SNX24: variants seen among roughly 807,000 people sequenced by gnomAD.
SNX24 encodes the protein sorting nexin 24, also known as sorting nexin-24.
SNX24 carries 22 observed loss-of-function variants against 28.7 expected under a neutral mutation model. That is an observed-to-expected ratio of 0.77 (90% CI 0.55 to 1.10). The LOEUF is 1.10. SNX24 is among the 50% of genes least tolerant of loss of function. SNX24 has a pLI of 0.00. For synonymous variants in SNX24, 69 were observed against 71.5 expected (o/e 0.96, Z 0.18); for missense variants, 221 against 201.1 (o/e 1.10, Z -0.60).
At chr5:122,896,501 T>G (rs1757209876) in intron 1 of SNX24, among the ~76,000 whole-genome samples, 1 of 152,218 alleles carries the variant, frequency 6.6e-6, no homozygotes, top group Non-Finnish European at 1.5e-5. Flanking sequence ...CCACCATTCC[T>G]GTCATCTCTG....
intron 3 of SNX24, among the ~76,000 whole-genome samples, chr5:122,949,260 A>G (rs1759830691): frequency 6.6e-6 from 1 of 152,190 alleles, no homozygotes; most frequent in Non-Finnish European, 1.5e-5. Context: ...TACAGTTAGC[A>G]TTTATTTGGC....
At chr5:122,897,473 A>C (rs549565146) in intron 1 of SNX24, among the ~76,000 whole-genome samples, 2 of 152,344 alleles carry the variant, frequency 1.3e-5, no homozygotes, top group South Asian at 4.1e-4. Context: ...ATAGACTAAC[A>C]TGTTAAAGGA....
intron 3 of SNX24, among the ~76,000 whole-genome samples, chr5:122,968,650 T>C (rs1760818643): frequency 6.6e-6 from 1 of 152,136 alleles, no homozygotes; most frequent in Non-Finnish European, 1.5e-5. Flanking sequence ...AACCAGGTAT[T>C]GATGAGATAA....
At chr5:122,872,197 A>G (rs1363943745) in intron 1 of SNX24, among the ~76,000 whole-genome samples, 2 of 151,454 alleles carry the variant, frequency 1.3e-5, no homozygotes, top group South Asian at 2.1e-4. Context: ...TAAAAGCAGT[A>G]TATCAAAAGA....
At chr5:122,898,056 T>C (rs1337821670) in intron 1 of SNX24, among the ~76,000 whole-genome samples, 1 of 152,212 alleles carries the variant, frequency 6.6e-6, no homozygotes, top group Non-Finnish European at 1.5e-5. Flanking sequence ...TCTGGAAAAC[T>C]GTTTGTGTGC....
At chr5:122,983,087 T>C (rs1418067506) in intron 3 of SNX24, 1 of 152,058 alleles carries the variant, frequency 6.6e-6, no homozygotes, top group African/African-American at 2.4e-5. Context: ...CCACTGGTGC[T>C]ATTTTTCAGT....
At chr5:122,969,028 A>G (rs1281099121) in intron 3 of SNX24, among the ~76,000 whole-genome samples, 2 of 152,160 alleles carry the variant, frequency 1.3e-5, no homozygotes, top group African/African-American at 4.8e-5. Flanking sequence ...ACGTTTGGAA[A>G]ATACTGGTCT....
chr5:122,905,586 G>A (rs780473345), intron 1 of SNX24, among the ~76,000 whole-genome samples: 22 of 152,182 alleles, frequency 1.4e-4, no homozygotes, highest in Admixed American at 2.6e-4. Flanking sequence ...CAACCAGTAA[G>A]TATAATACAA....
intron 1 of SNX24, among the ~76,000 whole-genome samples, chr5:122,925,287 G>C (rs999166893): frequency 1.5e-5 from 2 of 131,478 alleles, no homozygotes; most frequent in African/African-American, 5.8e-5. Context: ...CTTTCCTTCT[G>C]AGTGAACTGG....
chr5:122,927,574 G>C (rs1433211751), intron 1 of SNX24, among the ~76,000 whole-genome samples: 1 of 152,182 alleles, frequency 6.6e-6, no homozygotes, highest in African/African-American at 2.4e-5. Flanking sequence ...AGAAGGTATA[G>C]TGTAAGACCT....
chr5:122,982,965 C>G (rs1458385774), intron 3 of SNX24: 2 of 151,768 alleles, frequency 1.3e-5, no homozygotes, highest in African/African-American at 4.8e-5. Context: ...AGTATTAGTA[C>G]TGGTAATAAT....
At chr5:122,878,066 G>A (rs924453861) in intron 1 of SNX24, among the ~76,000 whole-genome samples, 1 of 152,156 alleles carries the variant, frequency 6.6e-6, no homozygotes, top group East Asian at 1.9e-4. Flanking sequence ...GGCTGACCTG[G>A]GAGGGTCCAG....
chr5:122,849,089 T>C (rs1275165889), intron 1 of SNX24, among the ~76,000 whole-genome samples: 1 of 152,234 alleles, frequency 6.6e-6, no homozygotes, highest in Non-Finnish European at 1.5e-5. Flanking sequence ...TGATTTTTTA[T>C]GCCCACTACT....
intron 5 of SNX24, chr5:123,028,926 T>C: frequency 7.3e-7 from 1 of 1,369,576 alleles, no homozygotes; most frequent in South Asian, 1.2e-5. Flanking sequence ...AAAGATAAAC[T>C]CAGTGTTGAT....
At position 123,001,926 on chromosome 5, in the gene SNX24, C is replaced by G. The variant is rs1239148975; in HGVS notation, c.378-14C>G. 1 of 1,613,268 alleles carries G rather than the reference C, an allele frequency of 6.2e-7. No individual in the cohort carries two copies. Among genetic ancestry groups the G allele is most frequent in the African/African-American group, 1.3e-5 (1 of 74,920 alleles). ...GTCCCCTGATGCTGACATGCCTGTTCTTGACCTTTCCAGCAAACTGTCCCA... is the reference window on the plus strand; with the variant it reads ...GTCCCCTGATGCTGACATGCCTGTTGTTGACCTTTCCAGCAAACTGTCCCA... On this transcript the variant is annotated splice_polypyrimidine_tract_variant and intron_variant, in intron 5 of 6. Coordinates refer to ENST00000261369, the MANE Select transcript of SNX24 (RefSeq NM_014035.4).
chr5:122,915,734 T>C (rs531351792), intron 1 of SNX24, among the ~76,000 whole-genome samples: 48 of 152,358 alleles, frequency 3.2e-4, no homozygotes, highest in Non-Finnish European at 5.4e-4. Flanking sequence ...TGGTCTTTAG[T>C]GTGGCCTGTG....
chr5:122,847,991 T>TA (rs1031186555), intron 1 of SNX24, among the ~76,000 whole-genome samples: 9 of 151,898 alleles, frequency 5.9e-5, no homozygotes, highest in South Asian at 4.2e-4. Context: ...TATAGCAGCT[T>TA]AAAAAAAACC....
At chr5:122,918,526 T>G (rs947328490) in intron 1 of SNX24, among the ~76,000 whole-genome samples, 10 of 152,246 alleles carry the variant, frequency 6.6e-5, no homozygotes, top group African/African-American at 9.6e-5. Context: ...TTTACTTGTC[T>G]TCTTTGCTAA....
At chr5:122,974,927 A>C (rs1023144441) in intron 3 of SNX24, among the ~76,000 whole-genome samples, 3 of 152,206 alleles carry the variant, frequency 2.0e-5, no homozygotes, top group East Asian at 3.8e-4. Context: ...CCAATTCTGC[A>C]TTCTGGCATT....
Sources: gnomAD v4.1 joint callset for allele counts (sites outside exome capture counted in the v4.1 genomes callset) on GRCh38, gnomAD v4.1.1 for gene constraint, MANE v1.5 for transcripts, NCBI Gene and HGNC (gene_info 2026-07-23, HGNC 2026-07-21) for gene names.